MAGI2: variants seen among roughly 807,000 people sequenced by gnomAD.
MAGI2 encodes the protein membrane-associated guanylate kinase, WW and PDZ domain-containing protein 2.
MAGI2 carries 35 observed loss-of-function variants against 133.3 expected under a neutral mutation model. That is an observed-to-expected ratio of 0.26 (90% CI 0.20 to 0.35). The LOEUF is 0.35. Ranked by LOEUF, MAGI2 falls within the 10% of genes least tolerant of loss-of-function variation. MAGI2 has a pLI of 1.00. For synonymous variants in MAGI2, 729 were observed against 710.6 expected (o/e 1.03, Z -0.41); for missense variants, 1,636 against 1,863.4 (o/e 0.88, Z 2.25).
chr7:78,101,386 A>G (rs1341578593), intron 20 of MAGI2, among the ~76,000 whole-genome samples: 1 of 152,214 alleles, frequency 6.6e-6, no homozygotes, highest in African/African-American at 2.4e-5. Flanking sequence ...GAACCCAGAA[A>G]TAAACTCATG....
intron 2 of MAGI2, among the ~76,000 whole-genome samples, chr7:78,846,546 T>G (rs1584127363): frequency 6.6e-6 from 1 of 152,104 alleles, no homozygotes; most frequent in East Asian, 1.9e-4. Context: ...ATAACATTGA[T>G]GTTACCAAGA....
intron 6 of MAGI2, among the ~76,000 whole-genome samples, chr7:78,428,686 A>G (rs1799510953): frequency 6.6e-6 from 1 of 152,172 alleles, no homozygotes; most frequent in East Asian, 1.9e-4. Flanking sequence ...GAGACCCCAT[A>G]AAAAGCCTGA....
At chr7:79,443,285 CGTGT>C (rs10600873) in intron 1 of MAGI2, among the ~76,000 whole-genome samples, 3,248 of 139,160 alleles carry the variant, frequency 0.023, 48 homozygotes, top group African/African-American at 0.063. Flanking sequence ...TGTGTGTGTG[CGTGT>C]GTGTGTGTGT....
intron 1 of MAGI2, among the ~76,000 whole-genome samples, chr7:79,403,488 G>C (rs576820049): frequency 2.0e-5 from 3 of 151,622 alleles, no homozygotes; most frequent in Non-Finnish European, 2.9e-5. Context: ...TATTTAAAAA[G>C]CACTTCTGGA....
chr7:78,346,740 T>G (rs958051127), intron 7 of MAGI2, among the ~76,000 whole-genome samples: 2 of 152,172 alleles, frequency 1.3e-5, no homozygotes, highest in African/African-American at 4.8e-5. Context: ...AGCAGGCTGT[T>G]TGAAATGCAG....
chr7:78,343,809 C>T lies in MAGI2; in HGVS notation c.1377G>A (p.Gly459=), dbSNP rs1434432677. 1.2e-6 allele frequency: 2 copies of T among 1,606,520 alleles called. No individual in the cohort carries two copies. The highest frequency in any genetic ancestry group is 1.3e-5 in the African/African-American group (1 of 74,274). Reference sequence around the variant, plus strand: ...CCATTTTTCCATCCTGTGCTGCAGGCCCATCCGGAATCACACTTTTCACCT... The same window carrying T: ...CCATTTTTCCATCCTGTGCTGCAGGTCCATCCGGAATCACACTTTTCACCT... The part of the protein sequence containing the change: ...FLQVKSVIPD[G]PAAQDGKMET... The change falls in exon 9 of 22, where the codon GGG becomes GGA. Residue 459 remains glycine, a synonymous_variant. Coordinates refer to ENST00000354212, the MANE Select transcript of MAGI2 (RefSeq NM_012301.4).
intron 1 of MAGI2, among the ~76,000 whole-genome samples, chr7:79,398,792 T>C (rs1158177076): frequency 6.6e-6 from 1 of 151,828 alleles, no homozygotes; most frequent in Non-Finnish European, 1.5e-5. Context: ...TTTCTTAAAC[T>C]AATTATTCTT....
intron 1 of MAGI2, among the ~76,000 whole-genome samples, chr7:79,240,740 C>G (rs893109751): frequency 1.3e-5 from 2 of 152,108 alleles, no homozygotes; most frequent in Admixed American, 6.6e-5. Context: ...TAAATTGTCC[C>G]GTGCTTTCTA....
At chr7:78,573,231 T>TATATAA (rs1801775099) in intron 3 of MAGI2, among the ~76,000 whole-genome samples, 1 of 60,466 alleles carries the variant, frequency 1.7e-5, no homozygotes, top group Admixed American at 2.5e-4. Context: ...TATATAAATA[T>TATATAA]AAATATATAT....
intron 21 of MAGI2, among the ~76,000 whole-genome samples, chr7:78,070,594 GTGTATATA>G (rs1238315118): frequency 1.6e-4 from 18 of 112,034 alleles, no homozygotes; most frequent in South Asian, 5.8e-4. Context: ...GTATATATAT[GTGTATATA>G]TGTGTATATA....
intron 1 of MAGI2, among the ~76,000 whole-genome samples, chr7:79,240,967 T>C (rs539962047): frequency 1.1e-4 from 17 of 152,066 alleles, no homozygotes; most frequent in Non-Finnish European, 2.2e-4. Context: ...TAAACAGATA[T>C]GTAGTCTTCA....
chr7:78,437,043 A>AG (rs1243108949), intron 6 of MAGI2, among the ~76,000 whole-genome samples: 15 of 152,184 alleles, frequency 9.9e-5, no homozygotes, highest in African/African-American at 3.6e-4. Context: ...TACTTGAGAA[A>AG]GGTTCAGACT....
chr7:79,353,502 C>T (rs1841824997), intron 1 of MAGI2: 1 of 455,760 alleles, frequency 2.2e-6, no homozygotes, highest in Non-Finnish European at 4.4e-6. Context: ...CCCTTTGCTG[C>T]TGCTGCTTTG....
intron 10 of MAGI2, among the ~76,000 whole-genome samples, chr7:78,206,054 A>G (rs976908997): frequency 6.6e-6 from 1 of 152,160 alleles, no homozygotes; most frequent in Admixed American, 6.5e-5. Context: ...GATAACCAAA[A>G]TGAAAGAACA....
chr7:79,102,218 C>A (rs1486386007), intron 1 of MAGI2, among the ~76,000 whole-genome samples: 1 of 151,902 alleles, frequency 6.6e-6, no homozygotes, highest in South Asian at 2.1e-4. Context: ...GCACGTATGC[C>A]CCAAAATTCA....
chr7:79,178,681 C>T (rs1242627622), intron 1 of MAGI2, among the ~76,000 whole-genome samples: 4 of 151,214 alleles, frequency 2.6e-5, no homozygotes, highest in African/African-American at 9.8e-5. Flanking sequence ...CACTGCACTC[C>T]AGACTGGGCA....
At chr7:78,780,677 T>A (rs1219996992) in intron 2 of MAGI2, among the ~76,000 whole-genome samples, 1 of 152,220 alleles carries the variant, frequency 6.6e-6, no homozygotes, top group Non-Finnish European at 1.5e-5. Context: ...TCCTATGAGA[T>A]GTGTGAGGCT....
At chr7:79,264,454 C>A (rs554502255) in intron 1 of MAGI2, among the ~76,000 whole-genome samples, 37 of 152,082 alleles carry the variant, frequency 2.4e-4, no homozygotes, top group African/African-American at 8.9e-4. Context: ...TTTTAGAGAC[C>A]AATATTTGTT....
chr7:78,547,944 T>A (rs1799004540), intron 3 of MAGI2, among the ~76,000 whole-genome samples: 1 of 152,222 alleles, frequency 6.6e-6, no homozygotes, highest in Non-Finnish European at 1.5e-5. Context: ...GAGTACAGTT[T>A]GCCTTAACCT....
Sources: allele counts gnomAD v4.1 joint callset (sites outside exome capture counted in the v4.1 genomes callset), GRCh38; gene constraint gnomAD v4.1.1; transcripts MANE v1.5; gene names NCBI Gene and HGNC (gene_info 2026-07-23, HGNC 2026-07-21).